BTBD8: variants seen among roughly 807,000 people sequenced by gnomAD.
BTBD8 encodes the protein BTB domain containing 8, also known as BTB/POZ domain-containing protein 8.
BTBD8 carries 110 observed loss-of-function variants against 162.9 expected under a neutral mutation model. That is an observed-to-expected ratio of 0.68 (90% confidence interval 0.58 to 0.79). BTBD8 has a LOEUF of 0.79. Among genes scored for constraint, BTBD8 ranks in the 30% least tolerant of loss-of-function variants. The pLI is 0.00. For synonymous variants in BTBD8, 667 were observed against 716.1 expected (o/e 0.93, Z 1.10); for missense variants, 1,905 against 2,085.4 (o/e 0.91, Z 1.68).
chr1:92,108,592 T>C (rs1357848418), intron 4 of BTBD8, among the ~76,000 whole-genome samples: 2 of 152,222 alleles, frequency 1.3e-5, no homozygotes, highest in African/African-American at 4.8e-5. Context: ...TTCCAGGCGT[T>C]TAGATTTCAA....
Position 92,182,218 on chromosome 1 carries a change from G to C in BTBD8, c.4535G>C (p.Ser1512Thr). 6.4e-7 allele frequency: 1 copy of C among 1,550,496 alleles called. No individual in the cohort carries two copies. ...GGCAATAGTGTATGTAAAAATGAAA[G>C]CACTGTCTTGGATCTTAGTAGCATT... is the stretch of plus-strand genomic sequence containing the variant. The part of the protein sequence containing the change: ...NKGNSVCKNE[S>T]TVLDLSSIDS... Residue 1512 changes from serine (S) to threonine (T), a missense_variant, in exon 17 of 18, where the codon AGC becomes ACC. Physicochemically the swap from Ser to Thr is moderately conservative, Grantham distance 58. This residue lies in a region of BTBD8 where 517 missense variants were observed against 606.6 expected (regional missense o/e 0.85). Transcript: ENST00000636805.
intron 2 of BTBD8, among the ~76,000 whole-genome samples, chr1:92,099,791 A>G (rs1648540809): frequency 6.6e-6 from 1 of 152,204 alleles, no homozygotes. Context: ...GATTTTATCT[A>G]TACAAATTTG....
In BTBD8 at chr1:92,133,723, C is replaced by G. The variant is rs537049090; in HGVS notation, c.752+3947C>G. On this transcript the variant is annotated intron_variant, in intron 5 of 17. Coordinates refer to ENST00000636805, the MANE Select transcript of BTBD8 (RefSeq NM_001376131.1). ...CAGTGGCTCACGCCTGTAATCCCAG[C>G]ACTTTGGGAGGCTGAGGCGGGCGGA... Among the ~76,000 whole-genome samples the G allele has an allele frequency of 9.3e-4, 141 of 152,302 alleles. 1 individual carries two copies. Among genetic ancestry groups the G allele is most frequent in the African/African-American group, 2.9e-3 (119 of 41,568 alleles).
At chr1:92,165,953 A>C (rs1650375313) in intron 9 of BTBD8, among the ~76,000 whole-genome samples, 1 of 152,210 alleles carries the variant, frequency 6.6e-6, no homozygotes, top group South Asian at 2.1e-4. Flanking sequence ...TCTATCAAGT[A>C]ACTAATTAAT....
Position 92,177,011 on chromosome 1 carries a change from T to C in BTBD8, c.1818T>C (p.Asp606=), listed in dbSNP as rs1650734476. ...TAAATAAAACTCTGAAGCAAGATGA[T>C]GTAAAGGAAAAAGATGGTACAAAAA... The part of the protein sequence containing the change: ...NSINKTLKQD[D]VKEKDGTKIA... The change falls in exon 14 of 18, where the codon GAT becomes GAC. Residue 606 remains aspartate (D), a synonymous_variant. Transcript: ENST00000636805. 11 of 1,548,154 alleles carry C rather than the reference T, an allele frequency of 7.1e-6. No homozygotes were observed. The highest frequency in any genetic ancestry group is 9.6e-6 in the Non-Finnish European group (11 of 1,145,802).
intron 5 of BTBD8, among the ~76,000 whole-genome samples, chr1:92,132,118 T>C (rs1345628834): frequency 6.6e-6 from 1 of 152,236 alleles, no homozygotes; most frequent in Non-Finnish European, 1.5e-5. Flanking sequence ...CAGACTGCTC[T>C]TCTTCTCCAC....
chr1:92,093,658 A>G (rs1487564252), intron 2 of BTBD8, among the ~76,000 whole-genome samples: 2 of 152,182 alleles, frequency 1.3e-5, no homozygotes, highest in East Asian at 3.9e-4. Context: ...AATAATTCTT[A>G]TAGTGGTGTT....
chr1:92,086,572 A>G (rs956272859), intron 1 of BTBD8, among the ~76,000 whole-genome samples: 4 of 152,130 alleles, frequency 2.6e-5, no homozygotes, highest in Admixed American at 2.0e-4. Flanking sequence ...TGGTGGTTGC[A>G]GTGAGCTGAG....
At chr1:92,124,165 A>G (rs2101923554) in intron 4 of BTBD8, among the ~76,000 whole-genome samples, 1 of 152,340 alleles carries the variant, frequency 6.6e-6, no homozygotes, top group South Asian at 2.1e-4. Context: ...GTTACCTCAA[A>G]TACTTGGGTG....
intron 2 of BTBD8, among the ~76,000 whole-genome samples, chr1:92,098,702 G>T (rs1648515313): frequency 6.6e-6 from 1 of 151,894 alleles, no homozygotes. Flanking sequence ...AGCAATTTTT[G>T]TATGCTTATC....
chr1:92,084,416 G>T (rs535676104), intron 1 of BTBD8, among the ~76,000 whole-genome samples: 3 of 152,130 alleles, frequency 2.0e-5, no homozygotes, highest in African/African-American at 7.2e-5. Flanking sequence ...CCAGAGATTC[G>T]TTCCTTGTCT....
At chr1:92,167,175 C>G (rs1035718357) in intron 10 of BTBD8, 35 bp downstream of exon 10, 14 of 1,542,726 alleles carry the variant, frequency 9.1e-6, no homozygotes, top group Non-Finnish European at 1.1e-5. Context: ...TATTTAGTTC[C>G]ATCTTTGTGT....
chr1:92,082,553 A>G (rs1463800539), intron 1 of BTBD8, among the ~76,000 whole-genome samples: 2 of 152,172 alleles, frequency 1.3e-5, no homozygotes, highest in East Asian at 3.8e-4. Flanking sequence ...TTGGGAAGGG[A>G]GAGGTAGAGG....
chr1:92,137,185 CT>C (rs569781204), intron 5 of BTBD8, among the ~76,000 whole-genome samples: 5 of 152,232 alleles, frequency 3.3e-5, no homozygotes, highest in Non-Finnish European at 7.4e-5. Context: ...GGAATTTGGA[CT>C]TTCTTTTATG....
intron 5 of BTBD8, among the ~76,000 whole-genome samples, chr1:92,133,289 C>T (rs370573274): frequency 4.2e-4 from 64 of 152,196 alleles, no homozygotes; most frequent in African/African-American, 1.5e-3. Context: ...CCTGAGCTTC[C>T]TGAGGTGGTT....
At chr1:92,127,552 T>TTTTGTTTG (rs71586734) in intron 4 of BTBD8, among the ~76,000 whole-genome samples, 20 of 150,048 alleles carry the variant, frequency 1.3e-4, no homozygotes, top group South Asian at 4.3e-4. Flanking sequence ...TTTTGGAAGT[T>TTTTGTTTG]TTTGTTTGTT....
At chr1:92,124,226 G>A (rs1237979280) in intron 4 of BTBD8, among the ~76,000 whole-genome samples, 1 of 152,154 alleles carries the variant, frequency 6.6e-6, no homozygotes, top group African/African-American at 2.4e-5. Context: ...TAATCACTGT[G>A]GCAGTGTTCT....
intron 13 of BTBD8, among the ~76,000 whole-genome samples, chr1:92,175,494 A>AAAAAAG (rs1650687212): frequency 6.7e-6 from 1 of 149,396 alleles, no homozygotes; most frequent in African/African-American, 2.5e-5. Context: ...AAAAAAAAAA[A>AAAAAAG]AAAAAGAATG....
At chr1:92,162,455 G>A (rs114196769) in intron 9 of BTBD8, among the ~76,000 whole-genome samples, 1 of 152,104 alleles carries the variant, frequency 6.6e-6, no homozygotes, top group African/African-American at 2.4e-5. Flanking sequence ...CTCTTCAGGA[G>A]GTCCCCAACA....
Sources: gnomAD v4.1 joint callset for allele counts (sites outside exome capture counted in the v4.1 genomes callset) on GRCh38, gnomAD v4.1.1 for gene constraint, gnomAD v4.1.1 regional missense constraint, MANE v1.5 for transcripts, NCBI Gene and HGNC (gene_info 2026-07-23, HGNC 2026-07-21) for gene names.